Variants in USP32 observed in about 807,000 individuals in gnomAD.
USP32 encodes ubiquitin specific peptidase 32.
In USP32, 59 loss-of-function variants were observed where a neutral mutation model predicts 204.8. The ratio of observed to expected loss-of-function variants is 0.29; its 90% CI spans 0.23 to 0.36. The LOEUF is 0.36. USP32 is among the 10% of genes least tolerant of loss of function. The pLI is 1.00. For missense variants in USP32, 1,160 were observed against 1,946.4 expected, an observed-to-expected ratio of 0.60 and a Z score of 7.60; for synonymous variants, 517 against 678.4, an observed-to-expected ratio of 0.76 and a Z score of 3.70.
chr17:60,241,136 T>C (rs2085865981), intron 11 of USP32, among the ~76,000 whole-genome samples: 1 of 152,218 alleles, frequency 6.6e-6, no homozygotes, highest in Non-Finnish European at 1.5e-5. Context: ...TAGCTGGAAC[T>C]ACAGGTGTGC....
chr17:60,246,108 A>G (rs201293326), intron 11 of USP32, among the ~76,000 whole-genome samples: 8 of 151,954 alleles, frequency 5.3e-5, no homozygotes, highest in Non-Finnish European at 8.8e-5. Flanking sequence ...GCTATTAAAC[A>G]CTAGAAGTCA....
chr17:60,182,047 G>T (rs1875075643), intron 31 of USP32, among the ~76,000 whole-genome samples: 1 of 152,198 alleles, frequency 6.6e-6, no homozygotes, highest in South Asian at 2.1e-4. Flanking sequence ...AACTATTAGA[G>T]TAAGGAGTTT....
chr17:60,288,820 C>A (rs1386509771), intron 4 of USP32, 138 bp from the exon 5 acceptor site: 3 of 685,328 alleles, frequency 4.4e-6, no homozygotes, highest in Non-Finnish European at 7.3e-6. Context: ...AATAACACTG[C>A]AGGGTGTATA....
intron 1 of USP32, among the ~76,000 whole-genome samples, chr17:60,419,258 T>C (rs1356722162): frequency 6.6e-6 from 1 of 151,964 alleles, no homozygotes; most frequent in Non-Finnish European, 1.5e-5. Flanking sequence ...AAAACTAACA[T>C]AGGAACAGAA....
chr17:60,341,098 T>C (rs898807669), intron 2 of USP32, among the ~76,000 whole-genome samples: 5 of 152,168 alleles, frequency 3.3e-5, no homozygotes, highest in African/African-American at 1.2e-4. Context: ...TGGCTGCCCT[T>C]AACATTTTTT....
intron 1 of USP32, among the ~76,000 whole-genome samples, chr17:60,360,520 G>A (rs1444819179): frequency 1.3e-5 from 2 of 151,808 alleles, no homozygotes; most frequent in East Asian, 3.9e-4. Context: ...TTAGCCAGGC[G>A]TGGTGGCACA....
intron 1 of USP32, among the ~76,000 whole-genome samples, chr17:60,398,381 T>A (rs1365386624): frequency 6.6e-6 from 1 of 150,824 alleles, no homozygotes; most frequent in Non-Finnish European, 1.5e-5. Context: ...GGCAACAGAG[T>A]GAGACCTTGC....
chr17:60,378,138 A>T lies in USP32; in HGVS notation c.58+13744T>A, dbSNP rs191562900. 3.3e-5 allele frequency among the ~76,000 whole-genome samples: 5 copies of T among 152,332 alleles called. 1 individual carries two copies. The highest frequency in any genetic ancestry group is 3.3e-4 in the Admixed American group (5 of 15,292). ...ATCTCAATTCAAAAATGGGCAAAGGATTGAATAGACATGTCTCCAAAAAAG... is the reference window on the plus strand; with the variant it reads ...ATCTCAATTCAAAAATGGGCAAAGGTTTGAATAGACATGTCTCCAAAAAAG... On this transcript the variant is annotated intron_variant, in intron 1 of 33. Coordinates refer to ENST00000300896, the MANE Select transcript of USP32 (RefSeq NM_032582.4).
chr17:60,217,443 T>A (rs1328268416), intron 16 of USP32, among the ~76,000 whole-genome samples: 1 of 152,048 alleles, frequency 6.6e-6, no homozygotes, highest in African/African-American at 2.4e-5. Flanking sequence ...TACAGACACC[T>A]GCCACCACAC....
chr17:60,415,772 T>C (rs1240617332), intron 1 of USP32, among the ~76,000 whole-genome samples: 1 of 152,186 alleles, frequency 6.6e-6, no homozygotes, highest in African/African-American at 2.4e-5. Flanking sequence ...TCTAATTGGA[T>C]AATTTGGAGC....
intron 2 of USP32, among the ~76,000 whole-genome samples, chr17:60,307,279 T>G (rs1598224006): frequency 1.3e-5 from 2 of 152,114 alleles, no homozygotes; most frequent in East Asian, 3.9e-4. Flanking sequence ...TTTTGTATTT[T>G]TAGTAGAGAT....
chr17:60,399,775 T>C (rs1304855466), intron 1 of USP32, among the ~76,000 whole-genome samples: 1 of 152,116 alleles, frequency 6.6e-6, no homozygotes, highest in African/African-American at 2.4e-5. Context: ...TGAAGCAGAC[T>C]TTGTGGATAT....
intron 4 of USP32, among the ~76,000 whole-genome samples, chr17:60,289,999 G>A (rs947412821): frequency 7.9e-5 from 12 of 152,152 alleles, no homozygotes; most frequent in African/African-American, 2.7e-4. Context: ...GACATTGACA[G>A]TCTTGTTTTT....
At chr17:60,263,470 C>A (rs2086506883) in intron 9 of USP32, among the ~76,000 whole-genome samples, 1 of 152,170 alleles carries the variant, frequency 6.6e-6, no homozygotes, top group Admixed American at 6.5e-5. Flanking sequence ...GGTTAAAAAA[C>A]CCAAGTTCTA....
upstream of USP32, among the ~76,000 whole-genome samples, chr17:60,393,745 C>T (rs1193334030): frequency 6.6e-6 from 1 of 150,998 alleles, no homozygotes; most frequent in East Asian, 1.9e-4. Context: ...AGTGCAATGG[C>T]GCGATCTCGA....
intron 28 of USP32, among the ~76,000 whole-genome samples, chr17:60,191,439 G>T (rs778602372): frequency 5.6e-4 from 83 of 148,928 alleles, no homozygotes; most frequent in Non-Finnish European, 1.1e-3. Context: ...TTATAGAGTT[G>T]CAGAGGTGGG....
Position 60,265,465 on chromosome 17 carries a change from T to C in USP32, c.937A>G (p.Met313Val), listed in dbSNP as rs2086566753. 6.2e-7 allele frequency: 1 copy of C among 1,600,746 alleles called. No individual in the cohort carries two copies. ...CCTTCTACAATATCAGAGAGATCCA[T>C]ATGTAATTCCTTTAAAAATAACCCA... is the stretch of plus-strand genomic sequence containing the variant. ...NRTDDIPELH[M>V]DLSDIVEGIL... Residue 313 changes from methionine to valine, a missense_variant, in exon 9 of 34, where the codon ATG (methionine) becomes GTG (valine). Transcript: ENST00000300896.
chr17:60,344,866 G>A (rs2088748266), intron 2 of USP32, among the ~76,000 whole-genome samples: 1 of 151,996 alleles, frequency 6.6e-6, no homozygotes, highest in Non-Finnish European at 1.5e-5. Context: ...GTCTCACTAT[G>A]TTGCCTAGAC....
intron 5 of USP32, among the ~76,000 whole-genome samples, chr17:60,281,535 C>CAAA (rs1434012835): frequency 1.1e-5 from 1 of 94,352 alleles, no homozygotes; most frequent in Non-Finnish European, 2.3e-5. Context: ...GACTCCGTCT[C>CAAA]AAAAAAAAAA....
Sources: gnomAD v4.1 joint callset for allele counts (sites outside exome capture counted in the v4.1 genomes callset) on GRCh38, gnomAD v4.1.1 for gene constraint, MANE v1.5 for transcripts, NCBI Gene and HGNC (gene_info 2026-07-23, HGNC 2026-07-21) for gene names.